The following CDV3 variants were observed in gnomAD, a reference collection of about 807,000 sequenced individuals.
The protein encoded by CDV3 is protein CDV3 homolog.
In CDV3, 14 loss-of-function variants were observed where a neutral mutation model predicts 24.5. The ratio of observed to expected loss-of-function variants is 0.57; its 90% confidence interval spans 0.38 to 0.89. The LOEUF is 0.89. Ranked by LOEUF, CDV3 falls within the 40% of genes least tolerant of loss-of-function variation. CDV3 has a pLI of 0.00. For missense variants in CDV3, 304 were observed against 310.2 expected, an observed-to-expected ratio of 0.98 and a Z score of 0.15; for synonymous variants, 114 against 114.1, an observed-to-expected ratio of 1.00 and a Z score of 0.00.
At chr3:133,574,372 G>T in intron 1 of CDV3, 88 bp downstream of exon 1, 1 of 930,584 alleles carries the variant, frequency 1.1e-6, no homozygotes, top group Non-Finnish European at 1.3e-6. Flanking sequence ...AAGCGTCCGG[G>T]AGGGGCCGCG....
At chr3:133,581,749 A>G (rs1035022543) in intron 2 of CDV3, among the ~76,000 whole-genome samples, 8 of 152,182 alleles carry the variant, frequency 5.3e-5, no homozygotes, top group Non-Finnish European at 1.2e-4. Flanking sequence ...TACTCTATAA[A>G]ACTTTTTAAA....
chr3:133,579,156 T>G (rs1001563509), intron 2 of CDV3, among the ~76,000 whole-genome samples: 1 of 152,194 alleles, frequency 6.6e-6, no homozygotes, highest in African/African-American at 2.4e-5. Flanking sequence ...AGGTTTAACT[T>G]TGTACAGTGG....
intron 2 of CDV3, among the ~76,000 whole-genome samples, chr3:133,577,378 G>C: frequency 8.5e-6 from 1 of 118,054 alleles, no homozygotes; most frequent in East Asian, 2.4e-4. Flanking sequence ...TTTTTTTTTT[G>C]AGACAGAGTT....
chr3:133,588,737 A>G lies in CDV3; in HGVS notation c.*691A>G, dbSNP rs1933855329. On this transcript the variant is annotated 3_prime_UTR_variant, in exon 5 of 5. Coordinates refer to ENST00000264993, the MANE Select transcript of CDV3 (RefSeq NM_017548.5). ...GTATTCTGAGGTAACCACAAAATAA[A>G]TTCAACCAAACTGGGGTCCACCAAG... 4.8e-6 allele frequency: 1 copy of G among 207,286 alleles called. No homozygotes were observed. Among genetic ancestry groups the G allele is most frequent in the Admixed American group, 5.8e-5 (1 of 17,098 alleles). The allele number at this position is 207,286 out of a possible 1,614,324, so 12.8% of individuals were successfully genotyped here.
At chr3:133,586,850 C>CT (rs1321927240) in intron 4 of CDV3, 128 bp downstream of exon 4, 1 of 632,336 alleles carries the variant, frequency 1.6e-6, no homozygotes, top group African/African-American at 1.8e-5. Context: ...TGAGCTTCAG[C>CT]TGACAGGCAG....
At chr3:133,587,560 G>T in intron 4 of CDV3, 1 of 1,101,574 alleles carries the variant, frequency 9.1e-7, no homozygotes, top group Admixed American at 4.6e-5. Flanking sequence ...TGCATAAAGA[G>T]AGAGATGTAT....
intron 2 of CDV3, among the ~76,000 whole-genome samples, chr3:133,581,256 A>G (rs937131765): frequency 2.0e-5 from 3 of 152,034 alleles, no homozygotes; most frequent in African/African-American, 7.2e-5. Flanking sequence ...GGTGGTCTGC[A>G]CCTTTAGTTC....
intron 4 of CDV3, chr3:133,587,211 C>G: frequency 7.5e-7 from 1 of 1,330,206 alleles, no homozygotes; most frequent in Non-Finnish European, 9.8e-7. Context: ...TATGGCACAT[C>G]TACATCTTAC....
intron 4 of CDV3, chr3:133,587,018 T>C (rs1020014558): frequency 4.0e-6 from 2 of 494,816 alleles, no homozygotes; most frequent in Non-Finnish European, 3.6e-6. Context: ...TAAAATTCTT[T>C]TATAATTAAG....
chr3:133,574,248 T>G lies in CDV3; in HGVS notation c.204T>G (p.Ala68=), dbSNP rs1394813951. 2 of 990,308 alleles carry G rather than the reference T, an allele frequency of 2.0e-6. No homozygotes were observed. The highest frequency in any genetic ancestry group is 2.4e-6 in the Non-Finnish European group (2 of 834,220). 61.3% of individuals were successfully genotyped at this position (990,308 alleles called of 1,614,324 possible). A position where few individuals can be genotyped will look rare whatever the true frequency, so the allele number is the denominator to read the frequency against. The change falls in exon 1 of 5, where the codon GCT becomes GCG. Residue 68 remains alanine (A), a synonymous_variant. Transcript: ENST00000264993. ...ACGGCGGGACCGCCAGCGCGGGGGC[T>G]GCGGGCCCAGGGGCCGCCACCAAGG... The part of the protein sequence containing the change: ...PGDGGTASAG[A]AGPGAATKAV...
intron 2 of CDV3, among the ~76,000 whole-genome samples, chr3:133,581,509 GTC>G (rs1933023296): frequency 6.6e-6 from 1 of 152,138 alleles, no homozygotes; most frequent in African/African-American, 2.4e-5. Flanking sequence ...ATTATCTGTA[GTC>G]TCTTCTATTT....
chr3:133,587,050 T>C (rs1933677291), intron 4 of CDV3: 2 of 546,458 alleles, frequency 3.7e-6, no homozygotes, highest in Middle Eastern at 4.8e-4. Context: ...CCTTATAATA[T>C]GGAAACTAGA....
At chr3:133,581,471 A>C (rs2107717897) in intron 2 of CDV3, among the ~76,000 whole-genome samples, 1 of 152,324 alleles carries the variant, frequency 6.6e-6, no homozygotes, top group Admixed American at 6.5e-5. Flanking sequence ...TTTGAGAAAA[A>C]TGTAGAAGCA....
intron 2 of CDV3, among the ~76,000 whole-genome samples, chr3:133,576,990 G>T (rs2074840462): frequency 6.6e-6 from 1 of 151,670 alleles, no homozygotes; most frequent in African/African-American, 2.4e-5. Flanking sequence ...TGGGATTACA[G>T]GCGCCCGCCA....
intron 2 of CDV3, among the ~76,000 whole-genome samples, chr3:133,579,369 AAC>A (rs1478619681): frequency 2.0e-5 from 3 of 152,216 alleles, no homozygotes; most frequent in East Asian, 1.9e-4. Context: ...ATTTGGGTCA[AAC>A]ACTGAATTTC....
chr3:133,577,339 C>G (rs2074853403), intron 2 of CDV3, among the ~76,000 whole-genome samples: 1 of 150,812 alleles, frequency 6.6e-6, no homozygotes, highest in Non-Finnish European at 1.5e-5. Context: ...CTGAGAGCTG[C>G]AGATGTCACA....
Position 133,584,076 on chromosome 3 carries a change from G to A in CDV3, c.392G>A (p.Gly131Asp). The A allele has an allele frequency of 6.2e-7, 1 of 1,611,140 alleles. No homozygotes were observed. Among genetic ancestry groups the A allele is most frequent in the South Asian group, 1.1e-5 (1 of 91,018 alleles). Residue 131 changes from glycine to aspartate, a missense_variant, in exon 3 of 5, where the codon GGT becomes GAT. Physicochemically the swap from Gly to Asp is moderately conservative, Grantham distance 94. Coordinates refer to ENST00000264993, the MANE Select transcript of CDV3 (RefSeq NM_017548.5). ...AACTGGGAAGAAGGTGGAGGTGGTG[G>A]TGGAGGTATGGAAAAATCTTCAGGT... ...GDNWEEGGGG[G>D]GGMEKSSGPW...
chr3:133,573,921 G>T lies in CDV3; in HGVS notation c.-124G>T. 1.3e-6 allele frequency: 1 copy of T among 751,386 alleles called. No homozygotes were observed. Among genetic ancestry groups the T allele is most frequent in the Middle Eastern group, 6.9e-4 (1 of 1,458 alleles). 46.5% of individuals were successfully genotyped at this position (751,386 alleles called of 1,614,324 possible). A position where few individuals can be genotyped will look rare whatever the true frequency, so the allele number is the denominator to read the frequency against. On this transcript the variant is annotated 5_prime_UTR_variant, in exon 1 of 5. Coordinates refer to ENST00000264993, the MANE Select transcript of CDV3 (RefSeq NM_017548.5). ...TCGCCGCGCACGCCTCGGCGACCCC[G>T]CGGGGCTGAGGCGTCGCCGCGCCCG...
intron 2 of CDV3, among the ~76,000 whole-genome samples, chr3:133,582,844 G>A (rs1371430521): frequency 2.6e-5 from 4 of 152,288 alleles, no homozygotes; most frequent in African/African-American, 7.2e-5. Context: ...GAGGTGAAGA[G>A]TTGCAAAAAG....
Sources: allele counts gnomAD v4.1 joint callset (sites outside exome capture counted in the v4.1 genomes callset), GRCh38; gene constraint gnomAD v4.1.1; transcripts MANE v1.5; gene names NCBI Gene and HGNC (gene_info 2026-07-23, HGNC 2026-07-21).